Variants in SYNPR observed in about 807,000 individuals in gnomAD.
SYNPR encodes the protein synaptoporin.
A neutral mutation model predicts 32.9 loss-of-function variants in SYNPR; 23 were observed. That is an observed-to-expected ratio of 0.70 (90% confidence interval 0.50 to 0.99). The LOEUF (loss-of-function observed/expected upper bound fraction) is 0.99. SYNPR is among the 50% of genes least tolerant of loss of function. The probability of loss-of-function intolerance (pLI) is 0.00; values close to 1 mark genes in which losing one functional copy is unlikely to be tolerated. For missense variants in SYNPR, 318 were observed against 349.3 expected (o/e 0.91, Z 0.71); for synonymous variants, 146 against 135.9 (o/e 1.07, Z -0.52).
chr3:63,396,615 T>TA (rs138765143), intron 2 of SYNPR, among the ~76,000 whole-genome samples: 2,431 of 152,294 alleles, frequency 0.016, 80 homozygotes, highest in African/African-American at 0.054. Flanking sequence ...TGAAAAGATG[T>TA]ATGATGGAGG....
intron 3 of SYNPR, among the ~76,000 whole-genome samples, chr3:63,521,503 A>T (rs1701913123): frequency 6.6e-6 from 1 of 152,220 alleles, no homozygotes; most frequent in African/African-American, 2.4e-5. Flanking sequence ...ATCCAGTGAC[A>T]TTGGTGCTAA....
chr3:63,286,860 T>C (rs180936773), intron 2 of SYNPR, among the ~76,000 whole-genome samples: 1 of 152,336 alleles, frequency 6.6e-6, no homozygotes, highest in Non-Finnish European at 1.5e-5. Context: ...AGCAAACTGT[T>C]AACTATCCTT....
At chr3:63,480,754 T>G (rs945971631) in intron 2 of SYNPR, 78 bp from the exon 3 acceptor site, 1 of 1,532,560 alleles carries the variant, frequency 6.5e-7, no homozygotes, top group African/African-American at 1.4e-5. Flanking sequence ...ATCCAGACAT[T>G]AAGCTCCTTT....
chr3:63,313,284 T>C (rs1259189811), intron 2 of SYNPR, among the ~76,000 whole-genome samples: 1 of 151,786 alleles, frequency 6.6e-6, no homozygotes, highest in Non-Finnish European at 1.5e-5. Context: ...AGTTCTGTAG[T>C]GGTGATTTTT....
At chr3:63,293,914 T>A (rs554114285) in intron 2 of SYNPR, among the ~76,000 whole-genome samples, 2 of 152,298 alleles carry the variant, frequency 1.3e-5, no homozygotes, top group East Asian at 3.9e-4. Context: ...TCTTTCACAG[T>A]AAGGCCACAA....
intron 2 of SYNPR, among the ~76,000 whole-genome samples, chr3:63,419,388 T>C (rs2088578955): frequency 6.6e-6 from 1 of 152,188 alleles, no homozygotes; most frequent in Admixed American, 6.5e-5. Flanking sequence ...TTGGAAAGCA[T>C]GTCCCTCTTG....
chr3:63,226,705 G>T (rs2086130903), upstream of SYNPR, among the ~76,000 whole-genome samples: 1 of 152,110 alleles, frequency 6.6e-6, no homozygotes, highest in African/African-American at 2.4e-5. Context: ...GGGGAATGCT[G>T]GGAGAGTAGG....
chr3:63,604,959 T>C (rs934790706), intron 4 of SYNPR, among the ~76,000 whole-genome samples: 6 of 152,246 alleles, frequency 3.9e-5, no homozygotes, highest in Non-Finnish European at 8.8e-5. Flanking sequence ...TTATGTAATG[T>C]TATATACATC....
At chr3:63,527,901 T>C (rs1485887906) in intron 3 of SYNPR, among the ~76,000 whole-genome samples, 1 of 152,176 alleles carries the variant, frequency 6.6e-6, no homozygotes, top group East Asian at 1.9e-4. Context: ...AACATTCTAC[T>C]TAATTTTGTC....
chr3:63,332,421 TG>T (rs2087240410), intron 2 of SYNPR, among the ~76,000 whole-genome samples: 1 of 152,206 alleles, frequency 6.6e-6, no homozygotes, highest in African/African-American at 2.4e-5. Flanking sequence ...CACATCAGAA[TG>T]TAAGTTCCAT....
intron 4 of SYNPR, among the ~76,000 whole-genome samples, chr3:63,559,671 T>C (rs1559536517): frequency 6.6e-6 from 1 of 151,014 alleles, no homozygotes; most frequent in Non-Finnish European, 1.5e-5. Context: ...AAAAAAAGAG[T>C]AACAAAACAG....
At chr3:63,217,627 G>T in the SYNPR span, among the ~76,000 whole-genome samples, 1 of 149,884 alleles carries the variant, frequency 6.7e-6, no homozygotes, top group Non-Finnish European at 1.5e-5. Flanking sequence ...CTAGTGAGAT[G>T]AACCTGGTAC....
At chr3:63,370,636 T>G (rs2087800568) in intron 2 of SYNPR, among the ~76,000 whole-genome samples, 1 of 152,178 alleles carries the variant, frequency 6.6e-6, no homozygotes, top group African/African-American at 2.4e-5. Flanking sequence ...AGCTGGAAAT[T>G]TTTAGTCTGG....
intron 2 of SYNPR, among the ~76,000 whole-genome samples, chr3:63,289,992 TGGTGGCG>T (rs1219427852): frequency 1.3e-5 from 2 of 151,564 alleles, no homozygotes; most frequent in African/African-American, 4.8e-5. Context: ...TAGCCGGGCG[TGGTGGCG>T]GGTGTCTGTA....
chr3:63,391,402 G>T (rs1232178102), intron 2 of SYNPR, among the ~76,000 whole-genome samples: 1 of 152,102 alleles, frequency 6.6e-6, no homozygotes, highest in Non-Finnish European at 1.5e-5. Flanking sequence ...GCCTTTCCCT[G>T]GATGAAGGAA....
chr3:63,311,436 A>C (rs2086963112), intron 2 of SYNPR, among the ~76,000 whole-genome samples: 1 of 152,006 alleles, frequency 6.6e-6, no homozygotes, highest in Non-Finnish European at 1.5e-5. Context: ...GAGCATTACC[A>C]CTTGAGCTCT....
intron 3 of SYNPR, among the ~76,000 whole-genome samples, chr3:63,524,018 C>T (rs115771272): frequency 6.6e-6 from 1 of 152,056 alleles, no homozygotes; most frequent in Non-Finnish European, 1.5e-5. Flanking sequence ...CCCAAATTTC[C>T]ATAACTGCAT....
chr3:63,234,539 T>C (rs2086188083), intron 1 of SYNPR, among the ~76,000 whole-genome samples: 1 of 152,186 alleles, frequency 6.6e-6, no homozygotes, highest in East Asian at 1.9e-4. Flanking sequence ...GTATACCCTT[T>C]CAGTAGGTTA....
intron 4 of SYNPR, among the ~76,000 whole-genome samples, chr3:63,584,982 C>T (rs1199351136): frequency 3.3e-5 from 5 of 152,048 alleles, no homozygotes; most frequent in Non-Finnish European, 5.9e-5. Context: ...ACAAGATGTC[C>T]AGAAGCTTTG....
Sources: allele counts gnomAD v4.1 joint callset (sites outside exome capture counted in the v4.1 genomes callset), GRCh38; gene constraint gnomAD v4.1.1; transcripts MANE v1.5; gene names NCBI Gene and HGNC (gene_info 2026-07-23, HGNC 2026-07-21).